Variants in MARCHF1 observed in about 807,000 individuals in gnomAD.
MARCHF1 encodes the protein E3 ubiquitin-protein ligase MARCHF1.
MARCHF1 carries 40 observed loss-of-function variants against 54.2 expected under a neutral mutation model. That is an observed-to-expected ratio of 0.74 (90% CI 0.57 to 0.96). The LOEUF is 0.96. MARCHF1 is among the 40% of genes least tolerant of loss of function. The probability of loss-of-function intolerance (pLI) is 0.00; values close to 1 mark genes in which losing one functional copy is unlikely to be tolerated. For missense variants in MARCHF1, 586 were observed against 656.5 expected (o/e 0.89, Z 1.17); for synonymous variants, 236 against 236.3 (o/e 1.00, Z 0.01).
intron 1 of MARCHF1, among the ~76,000 whole-genome samples, chr4:164,289,581 G>C (rs1734235359): frequency 1.5e-5 from 1 of 65,880 alleles, no homozygotes; most frequent in African/African-American, 5.9e-5. Flanking sequence ...GAAATACTTA[G>C]ATGGAAAAAA....
intron 3 of MARCHF1, among the ~76,000 whole-genome samples, chr4:163,916,424 G>C (rs77380332): frequency 1.3e-5 from 2 of 149,014 alleles, no homozygotes; most frequent in African/African-American, 2.5e-5. Context: ...CAGAATCTGA[G>C]AGGAGACAGC....
At chr4:164,002,350 A>G (rs1753201685) in intron 2 of MARCHF1, among the ~76,000 whole-genome samples, 1 of 151,768 alleles carries the variant, frequency 6.6e-6, no homozygotes, top group Non-Finnish European at 1.5e-5. Context: ...AAAAATCGAT[A>G]TAAGTAAAAA....
chr4:163,639,188 C>A (rs1742464736), intron 5 of MARCHF1, among the ~76,000 whole-genome samples: 1 of 152,080 alleles, frequency 6.6e-6, no homozygotes, highest in South Asian at 2.1e-4. Context: ...TGTATTTAAC[C>A]ACAAATGGGA....
At chr4:163,582,896 G>GTC (rs1740276616) in intron 8 of MARCHF1, among the ~76,000 whole-genome samples, 1 of 152,156 alleles carries the variant, frequency 6.6e-6, no homozygotes, top group South Asian at 2.1e-4. Flanking sequence ...GACTGAGAAG[G>GTC]TCATCATTAT....
chr4:164,248,835 A>G (rs1733036908), intron 1 of MARCHF1, among the ~76,000 whole-genome samples: 1 of 152,046 alleles, frequency 6.6e-6, no homozygotes, highest in Non-Finnish European at 1.5e-5. Context: ...TCAAGACAGA[A>G]AAGATCAAAA....
At chr4:164,242,611 G>C (rs1276106931) in intron 1 of MARCHF1, among the ~76,000 whole-genome samples, 2 of 152,176 alleles carry the variant, frequency 1.3e-5, no homozygotes, top group Admixed American at 6.5e-5. Context: ...ACCAGCAATG[G>C]AACAAAGCTG....
At chr4:164,097,296 A>G (rs1479059043) in intron 2 of MARCHF1, among the ~76,000 whole-genome samples, 5 of 152,192 alleles carry the variant, frequency 3.3e-5, no homozygotes, top group Non-Finnish European at 7.4e-5. Flanking sequence ...GGTTCCATGA[A>G]TAGACTTCAG....
intron 1 of MARCHF1, among the ~76,000 whole-genome samples, chr4:164,277,810 C>T (rs1252958421): frequency 6.6e-6 from 1 of 152,222 alleles, no homozygotes; most frequent in Non-Finnish European, 1.5e-5. Context: ...ATTTTTTCAA[C>T]ATCCAGTGCA....
chr4:163,691,367 G>A (rs1744451281), intron 5 of MARCHF1, among the ~76,000 whole-genome samples: 1 of 152,184 alleles, frequency 6.6e-6, no homozygotes, highest in South Asian at 2.1e-4. Context: ...ATGACAGCAT[G>A]AGAAAATTCT....
chr4:163,733,939 G>T (rs1745956011), intron 4 of MARCHF1, among the ~76,000 whole-genome samples: 2 of 152,066 alleles, frequency 1.3e-5, no homozygotes, highest in African/African-American at 4.8e-5. Flanking sequence ...AATATACAAA[G>T]AAATTTTGAT....
intron 2 of MARCHF1, among the ~76,000 whole-genome samples, chr4:164,080,631 A>C (rs892181501): frequency 9.9e-5 from 15 of 151,354 alleles, no homozygotes; most frequent in African/African-American, 3.4e-4. Context: ...ATTTCAAAGA[A>C]ATCTAATAGT....
intron 2 of MARCHF1, among the ~76,000 whole-genome samples, chr4:163,990,260 C>G (rs867861456): frequency 2.1e-4 from 32 of 152,208 alleles, no homozygotes; most frequent in African/African-American, 7.7e-4. Context: ...CCATCAAGAT[C>G]AGCTAGGGAG....
At chr4:164,121,086 T>G (rs1348548747) in intron 1 of MARCHF1, among the ~76,000 whole-genome samples, 1 of 151,752 alleles carries the variant, frequency 6.6e-6, no homozygotes, top group Non-Finnish European at 1.5e-5. Context: ...TTTAGCCAGT[T>G]GAAGAAAAAA....
At chr4:164,069,899 TG>T (rs372459721) in intron 2 of MARCHF1, among the ~76,000 whole-genome samples, 12 of 152,244 alleles carry the variant, frequency 7.9e-5, no homozygotes, top group African/African-American at 2.9e-4. Flanking sequence ...GATTGAAAAA[TG>T]TGGTACATAT....
At chr4:163,908,008 T>A (rs1160732157) in intron 3 of MARCHF1, among the ~76,000 whole-genome samples, 4 of 152,098 alleles carry the variant, frequency 2.6e-5, no homozygotes, top group Non-Finnish European at 1.5e-5. Context: ...GCATGCTTCA[T>A]CCTCAAGACA....
chr4:164,272,438 T>C (rs1733766260), intron 1 of MARCHF1, among the ~76,000 whole-genome samples: 4 of 152,112 alleles, frequency 2.6e-5, no homozygotes, highest in Non-Finnish European at 4.4e-5. Context: ...GCCGTTAAAA[T>C]AAATCAACTA....
At chr4:164,225,734 A>G (rs1732233657) in intron 1 of MARCHF1, among the ~76,000 whole-genome samples, 1 of 152,012 alleles carries the variant, frequency 6.6e-6, no homozygotes, top group Non-Finnish European at 1.5e-5. Flanking sequence ...ATATATTATT[A>G]ATGGGAATGC....
intron 1 of MARCHF1, chr4:164,196,971 T>C (rs1484609627): frequency 6.2e-7 from 1 of 1,602,212 alleles, no homozygotes; most frequent in South Asian, 1.1e-5. Context: ...TAGGTTATTC[T>C]ACTTAGTCAT....
At chr4:164,337,910 CCT>C (rs1554002390) in intron 1 of MARCHF1, among the ~76,000 whole-genome samples, 3 of 152,186 alleles carry the variant, frequency 2.0e-5, no homozygotes, top group African/African-American at 7.2e-5. Context: ...CAATTCTCCC[CCT>C]GTCTAAAGAA....
Sources: allele counts gnomAD v4.1 joint callset (sites outside exome capture counted in the v4.1 genomes callset), GRCh38; gene constraint gnomAD v4.1.1; transcripts MANE v1.5; gene names NCBI Gene and HGNC (gene_info 2026-07-23, HGNC 2026-07-21).